The following MAPK10 variants were observed in gnomAD, a reference collection of about 807,000 sequenced individuals.
MAPK10 encodes mitogen-activated protein kinase 10, also known as JNK3 alpha protein kinase.
A neutral mutation model predicts 59.3 loss-of-function variants in MAPK10; 25 were observed. That is an observed-to-expected ratio of 0.42 (90% CI 0.31 to 0.59). MAPK10 has a LOEUF of 0.59. Among genes scored for constraint, MAPK10 ranks in the 20% least tolerant of loss-of-function variants. The pLI, the probability that MAPK10 is intolerant of heterozygous loss-of-function variation, is 0.15. For missense variants in MAPK10, 351 were observed against 568.9 expected, an observed-to-expected ratio of 0.62 and a Z score of 3.90; for synonymous variants, 190 against 200.5, an observed-to-expected ratio of 0.95 and a Z score of 0.44.
At chr4:86,035,119 C>G (rs558979025) in intron 11 of MAPK10, among the ~76,000 whole-genome samples, 12 of 151,948 alleles carry the variant, frequency 7.9e-5, no homozygotes, top group Non-Finnish European at 1.5e-4. Context: ...GCCTGTAATC[C>G]CAGAACTCTG....
chr4:86,366,875 T>C (rs1289748760), intron 1 of MAPK10, among the ~76,000 whole-genome samples: 1 of 152,092 alleles, frequency 6.6e-6, no homozygotes, highest in Non-Finnish European at 1.5e-5. Flanking sequence ...GACCAATTGG[T>C]CTCCATTTGC....
intron 1 of MAPK10, among the ~76,000 whole-genome samples, chr4:86,554,004 G>A (rs960699644): frequency 1.6e-4 from 24 of 151,476 alleles, no homozygotes; most frequent in Admixed American, 4.0e-4. Flanking sequence ...AGCCTCCCAA[G>A]TACCTAGGAT....
intron 1 of MAPK10, chr4:86,392,186 C>G (rs570338011): frequency 4.6e-5 from 7 of 152,686 alleles, no homozygotes; most frequent in African/African-American, 1.4e-4. Flanking sequence ...CACCTGTAAT[C>G]CCAGCACTTT....
chr4:86,095,213 T>G (rs764834441), intron 9 of MAPK10: 1 of 151,698 alleles, frequency 6.6e-6, no homozygotes, highest in Non-Finnish European at 1.5e-5. Context: ...ATCATCTAGA[T>G]CATATCAACC....
chr4:86,493,793 A>C (rs547991298), intron 1 of MAPK10, among the ~76,000 whole-genome samples: 2 of 152,242 alleles, frequency 1.3e-5, no homozygotes, highest in African/African-American at 4.8e-5. Context: ...TAAATTGTTA[A>C]TGTTTTAAAA....
intron 2 of MAPK10, among the ~76,000 whole-genome samples, chr4:86,353,258 A>T (rs1732595468): frequency 1.3e-5 from 2 of 152,164 alleles, no homozygotes; most frequent in Non-Finnish European, 2.9e-5. Flanking sequence ...ATTTTATTGT[A>T]AGTACCCCAC....
At chr4:86,435,314 T>C (rs1457321418) in intron 1 of MAPK10, among the ~76,000 whole-genome samples, 4 of 152,016 alleles carry the variant, frequency 2.6e-5, no homozygotes, top group Non-Finnish European at 5.9e-5. Flanking sequence ...CTGACCAATA[T>C]GATGAAACCC....
chr4:86,385,178 AT>A (rs1741303297), intron 1 of MAPK10, among the ~76,000 whole-genome samples: 1 of 152,040 alleles, frequency 6.6e-6, no homozygotes, highest in Non-Finnish European at 1.5e-5. Flanking sequence ...TTCAATGAAA[AT>A]AAAATAAATA....
chr4:86,170,719 C>T (rs557544556), intron 3 of MAPK10, among the ~76,000 whole-genome samples: 19 of 151,816 alleles, frequency 1.3e-4, no homozygotes, highest in Non-Finnish European at 2.4e-4. Context: ...CTGCACCAAG[C>T]GGACCTAATA....
At chr4:86,348,712 G>T (rs192260915) in intron 2 of MAPK10, among the ~76,000 whole-genome samples, 5 of 151,980 alleles carry the variant, frequency 3.3e-5, no homozygotes, top group Admixed American at 1.3e-4. Flanking sequence ...TCTACTCTTT[G>T]GTCTCTTAGT....
intron 2 of MAPK10, among the ~76,000 whole-genome samples, chr4:86,295,928 C>T (rs184709874): frequency 1.9e-4 from 29 of 151,526 alleles, no homozygotes; most frequent in African/African-American, 6.5e-4. Flanking sequence ...GTAATCCCAG[C>T]ACTTTGGGAG....
intron 9 of MAPK10, chr4:86,091,281 A>G (rs2053084047): frequency 6.6e-6 from 1 of 151,560 alleles, no homozygotes; most frequent in Non-Finnish European, 1.5e-5. Flanking sequence ...ATTTACATCT[A>G]TAATAAAGAA....
At chr4:86,058,991 T>C (rs1208143313) in intron 11 of MAPK10, among the ~76,000 whole-genome samples, 1 of 152,190 alleles carries the variant, frequency 6.6e-6, no homozygotes, top group Non-Finnish European at 1.5e-5. Flanking sequence ...AATGCTGATG[T>C]TTGCTGAACT....
At chr4:86,072,306 GT>G (rs1445669042) in intron 9 of MAPK10, among the ~76,000 whole-genome samples, 6 of 152,090 alleles carry the variant, frequency 3.9e-5, no homozygotes, top group Non-Finnish European at 7.3e-5. Flanking sequence ...AGACGATGGG[GT>G]TTTCTAGATA....
chr4:86,564,262 C>T (rs1018968408), intron 1 of MAPK10, among the ~76,000 whole-genome samples: 1 of 152,122 alleles, frequency 6.6e-6, no homozygotes, highest in African/African-American at 2.4e-5. Flanking sequence ...TAAACTACTT[C>T]TTTTTTGCAT....
At chr4:86,103,100 T>G in intron 6 of MAPK10, 86 bp downstream of exon 6, 1 of 782,124 alleles carries the variant, frequency 1.3e-6, no homozygotes, top group Non-Finnish European at 2.3e-6. Context: ...TGTGTGTGTG[T>G]GTGTGTGTGT....
intron 1 of MAPK10, among the ~76,000 whole-genome samples, chr4:86,532,523 C>T (rs1225395644): frequency 6.6e-6 from 1 of 152,232 alleles, no homozygotes. Context: ...TTCCAGCTAT[C>T]GGTCCTAACG....
At chr4:86,574,393 T>C (rs1761708296) in intron 1 of MAPK10, among the ~76,000 whole-genome samples, 1 of 151,744 alleles carries the variant, frequency 6.6e-6, no homozygotes, top group Non-Finnish European at 1.5e-5. Context: ...TATAGCAGCA[T>C]GATTTATAGT....
At chr4:86,068,919 A>T (rs2047240402) in intron 9 of MAPK10, among the ~76,000 whole-genome samples, 1 of 152,178 alleles carries the variant, frequency 6.6e-6, no homozygotes, top group Non-Finnish European at 1.5e-5. Flanking sequence ...GCCATGTGCC[A>T]GTGAATAATA....
Sources: allele counts gnomAD v4.1 joint callset (sites outside exome capture counted in the v4.1 genomes callset), GRCh38; gene constraint gnomAD v4.1.1; transcripts MANE v1.5; gene names NCBI Gene and HGNC (gene_info 2026-07-23, HGNC 2026-07-21).